The following BOD1L2 variants were observed in gnomAD, a reference collection of about 807,000 sequenced individuals.
BOD1L2 encodes the protein biorientation of chromosomes in cell division 1 like 2.
A neutral mutation model predicts 5.3 loss-of-function variants in BOD1L2; 6 were observed. The ratio of observed to expected loss-of-function variants is 1.14; its 90% confidence interval spans 0.62 to 2.25. The LOEUF (loss-of-function observed/expected upper bound fraction) is 2.25, where lower values mean the gene tolerates loss of function less well. Among genes scored for constraint, BOD1L2 ranks in the 30% most tolerant of loss-of-function variants. BOD1L2 has a pLI of 0.00. For synonymous variants in BOD1L2, 96 were observed against 96.3 expected (o/e 1.00, Z 0.02); for missense variants, 210 against 227.2 (o/e 0.92, Z 0.49).
chr18:57,149,716 C>T lies in BOD1L2; in HGVS notation c.*1885C>T, dbSNP rs920936414. The T allele has an allele frequency of 4.6e-5, 7 of 152,206 alleles. No individual in the cohort carries two copies. Among genetic ancestry groups the T allele is most frequent in the Non-Finnish European group, 1.0e-4 (7 of 68,044 alleles). 9.4% of individuals were successfully genotyped at this position (152,206 alleles called of 1,614,324 possible). A position where few individuals can be genotyped will look rare whatever the true frequency, so the allele number is the denominator to read the frequency against. On this transcript the variant is annotated 3_prime_UTR_variant, in exon 1 of 1. Transcript: ENST00000585477. ...GTACAAAAGAGCAGCTGGGCCACATCGGCACTAATCACTTGCCAACTTTCC... is the reference window on the plus strand; with the variant it reads ...GTACAAAAGAGCAGCTGGGCCACATTGGCACTAATCACTTGCCAACTTTCC...
rs916756808 is a variant in BOD1L2 at position 57,147,137 on chromosome 18, C to T, written c.-176C>T. 1.1e-6 allele frequency: 1 copy of T among 891,266 alleles called. No individual in the cohort carries two copies. Among genetic ancestry groups the T allele is most frequent in the South Asian group, 5.3e-5 (1 of 19,002 alleles). The allele number at this position is 891,266 out of a possible 1,614,324, so 55.2% of individuals were successfully genotyped here. On this transcript the variant is annotated 5_prime_UTR_variant, in exon 1 of 1. Transcript: ENST00000585477. ...AACCTCCGCGGTCTGGAGCTGGCCT[C>T]CCCCACCGCCGCCCCAACCACCGGC...
chr18:57,147,392 A>T lies in BOD1L2; in HGVS notation c.80A>T (p.Asn27Ile), dbSNP rs2048928062. 6.5e-7 allele frequency: 1 copy of T among 1,533,824 alleles called. No homozygotes were observed. The highest frequency in any genetic ancestry group is 1.2e-5 in the South Asian group (1 of 83,810). ...TRASGGGGPINPASLPPGDPQ... is the reference protein window; with the variant it reads ...TRASGGGGPIIPASLPPGDPQ... ...GCCAGCGGGGGCGGCGGCCCCATCA[A>T]CCCGGCCTCGTTGCCCCCTGGCGAC... Residue 27 changes from asparagine (N) to isoleucine (I), a missense_variant, in exon 1 of 1, where the codon AAC (asparagine) becomes ATC (isoleucine). Asn to Ile is a moderately radical substitution (Grantham distance 149, BLOSUM62 -3). Coordinates refer to ENST00000585477, the MANE Select transcript of BOD1L2 (RefSeq NM_001257964.2).
rs766182400 is a variant in BOD1L2 at position 57,147,579 on chromosome 18, G to T, written c.267G>T (p.Trp89Cys). The change falls in exon 1 of 1, where the codon TGG (tryptophan) becomes TGT (cysteine). Residue 89 changes from tryptophan (W) to cysteine (C), a missense_variant. Physicochemically the swap from Trp to Cys is radical, Grantham distance 215. Transcript: ENST00000585477. ...FVSTHLDKQE[W>C]NPPANDNQLH... is the part of the protein sequence containing the mutation. ...CGACACATCTGGACAAGCAGGAATG[G>T]AATCCTCCAGCAAACGACAACCAAC... 2.5e-6 allele frequency: 4 copies of T among 1,612,922 alleles called. No homozygotes were observed.
chr18:57,147,518 A>G lies in BOD1L2; in HGVS notation c.206A>G (p.Tyr69Cys). ...GCTGACGTGGACACCAAGCCAGCTTACCAAAACCTGAGCCAGAAAGCGGAT... is the reference window on the plus strand; with the variant it reads ...GCTGACGTGGACACCAAGCCAGCTTGCCAAAACCTGAGCCAGAAAGCGGAT... The part of the protein sequence containing the change: ...CKADVDTKPA[Y>C]QNLSQKADNF... Residue 69 changes from tyrosine (Y) to cysteine (C), a missense_variant, in exon 1 of 1, where the codon TAC becomes TGC. Transcript: ENST00000585477. 1 of 1,600,998 alleles carries G rather than the reference A, an allele frequency of 6.2e-7. No individual in the cohort carries two copies. The highest frequency in any genetic ancestry group is 8.5e-7 in the Non-Finnish European group (1 of 1,174,000).
rs922710530 is a variant in BOD1L2 at position 57,148,637 on chromosome 18, C to T, written c.*806C>T. On this transcript the variant is annotated 3_prime_UTR_variant, in exon 1 of 1. Coordinates refer to ENST00000585477, the MANE Select transcript of BOD1L2 (RefSeq NM_001257964.2). The stretch of plus-strand genomic sequence containing the variant: ...AGAAATGCAGATTTACATCCTTTTC[C>T]TCTTTAAGCTCCGTCAGTTTTCTGA... 6.6e-6 allele frequency: 1 copy of T among 152,176 alleles called. No individual in the cohort carries two copies. 9.4% of individuals were successfully genotyped at this position (152,176 alleles called of 1,614,324 possible).
rs1199682926 is a variant in BOD1L2 at position 57,147,733 on chromosome 18, C to A, written c.421C>A (p.His141Asn). The stretch of plus-strand genomic sequence containing the variant: ...CAGGCCACAAATAGAACAAATAATT[C>A]ATGAATTCCTGGTGGCCCAGAAAGA... The part of the protein sequence containing the change: ...IFRPQIEQII[H>N]EFLVAQKEAA... Residue 141 changes from histidine to asparagine, a missense_variant, in exon 1 of 1, where the codon CAT (histidine) becomes AAT (asparagine). Transcript: ENST00000585477. 3 of 1,613,852 alleles carry A rather than the reference C, an allele frequency of 1.9e-6. No homozygotes were observed. The highest frequency in any genetic ancestry group is 2.5e-6 in the Non-Finnish European group (3 of 1,180,026).
rs753836002 is a variant in BOD1L2 at position 57,147,583 on chromosome 18, C to G, written c.271C>G (p.Pro91Ala). 1 of 1,612,946 alleles carries G rather than the reference C, an allele frequency of 6.2e-7. No individual in the cohort carries two copies. The highest frequency in any genetic ancestry group is 1.3e-5 in the African/African-American group (1 of 74,924). ...STHLDKQEWNPPANDNQLHDG... is the reference protein window; with the variant it reads ...STHLDKQEWNAPANDNQLHDG... ...ACATCTGGACAAGCAGGAATGGAAT[C>G]CTCCAGCAAACGACAACCAACTGCA... The change falls in exon 1 of 1, where the codon CCT becomes GCT. Residue 91 changes from proline to alanine, a missense_variant. Physicochemically the swap from Pro to Ala is conservative, Grantham distance 27. Coordinates refer to ENST00000585477, the MANE Select transcript of BOD1L2 (RefSeq NM_001257964.2).
Position 57,147,406 on chromosome 18 carries a change from C to G in BOD1L2, c.94C>G (p.Pro32Ala). The G allele has an allele frequency of 6.5e-7, 1 of 1,537,500 alleles. No homozygotes were observed. The highest frequency in any genetic ancestry group is 8.7e-7 in the Non-Finnish European group (1 of 1,146,528). ...GGGPINPASL[P>A]PGDPQLIAII... ...CGGCCCCATCAACCCGGCCTCGTTG[C>G]CCCCTGGCGACCCTCAGCTCATCGC... The change falls in exon 1 of 1, where the codon CCC becomes GCC. Residue 32 changes from proline to alanine, a missense_variant. Coordinates refer to ENST00000585477, the MANE Select transcript of BOD1L2 (RefSeq NM_001257964.2).
rs1295005667 is a variant in BOD1L2 at position 57,147,797 on chromosome 18, A to G, written c.485A>G (p.Gln162Arg). The G allele has an allele frequency of 1.2e-6, 2 of 1,613,220 alleles. No individual in the cohort carries two copies. The highest frequency in any genetic ancestry group is 1.7e-5 in the Admixed American group (1 of 59,984). Residue 162 changes from glutamine to arginine, a missense_variant, in exon 1 of 1, where the codon CAG becomes CGG. Gln to Arg is a conservative substitution (Grantham distance 43, BLOSUM62 1). Transcript: ENST00000585477. ...GCACTCCCTCCAGAGCCAGAAGGCC[A>G]GGACCCTCCAGCTCCGTCTCAGGAC... ...VPALPPEPEG[Q>R]DPPAPSQDTS
chr18:57,147,309 A>C lies in BOD1L2; in HGVS notation c.-4A>C, dbSNP rs2048926139. The C allele has an allele frequency of 8.5e-7, 1 of 1,171,668 alleles. No individual in the cohort carries two copies. Among genetic ancestry groups the C allele is most frequent in the Non-Finnish European group, 1.0e-6 (1 of 952,854 alleles). The allele number at this position is 1,171,668 out of a possible 1,614,324, so 72.6% of individuals were successfully genotyped here. ...CGGTTTCCTTGTGGGCCCGGTGCGC[A>C]GCCATGGCGGACGGTGGCGGCGGCG... On this transcript the variant is annotated 5_prime_UTR_variant, in exon 1 of 1. Transcript: ENST00000585477.
At position 57,147,997 on chromosome 18, in the gene BOD1L2, C is replaced by T. The variant is rs888498794; in HGVS notation, c.*166C>T. 10 of 814,078 alleles carry T rather than the reference C, an allele frequency of 1.2e-5. No individual in the cohort carries two copies. The highest frequency in any genetic ancestry group is 1.8e-5 in the Non-Finnish European group (10 of 540,628). The allele number at this position is 814,078 out of a possible 1,614,324, so 50.4% of individuals were successfully genotyped here. Reference sequence around the variant, plus strand: ...GACCAGATTGAAAGGGAAGCAAGTTCGCCAGAGAGAAAGTTGACCGTGGCA... The same window carrying T: ...GACCAGATTGAAAGGGAAGCAAGTTTGCCAGAGAGAAAGTTGACCGTGGCA... On this transcript the variant is annotated 3_prime_UTR_variant, in exon 1 of 1. Coordinates refer to ENST00000585477, the MANE Select transcript of BOD1L2 (RefSeq NM_001257964.2).
In BOD1L2 at chr18:57,147,581, A is replaced by C. The variant is rs1228196567; in HGVS notation, c.269A>C (p.Asn90Thr). 3.1e-6 allele frequency: 5 copies of C among 1,613,150 alleles called. No homozygotes were observed. Among genetic ancestry groups the C allele is most frequent in the Non-Finnish European group, 4.2e-6 (5 of 1,179,894 alleles). The change falls in exon 1 of 1, where the codon AAT (asparagine) becomes ACT (threonine). Residue 90 changes from asparagine to threonine, a missense_variant. By Grantham distance (65) the Asn-to-Thr change is moderately conservative (BLOSUM62 0). Coordinates refer to ENST00000585477, the MANE Select transcript of BOD1L2 (RefSeq NM_001257964.2). ...ACACATCTGGACAAGCAGGAATGGA[A>C]TCCTCCAGCAAACGACAACCAACTG... ...VSTHLDKQEWNPPANDNQLHD... is the reference protein window; with the variant it reads ...VSTHLDKQEWTPPANDNQLHD...
At position 57,147,833 on chromosome 18, in the gene BOD1L2, A is replaced by G. The variant is rs756428715; in HGVS notation, c.*2A>G. 4 of 1,593,660 alleles carry G rather than the reference A, an allele frequency of 2.5e-6. No homozygotes were observed. The South Asian group carries it at 4.5e-5, about 18-fold the overall frequency. ...GCTCCGTCTCAGGACACTTCCTAAG[A>G]ATATGCCTGACAGCTTTTGAAAGCG... On this transcript the variant is annotated 3_prime_UTR_variant, in exon 1 of 1. Transcript: ENST00000585477.
rs1186322789 is a variant in BOD1L2 at position 57,148,025 on chromosome 18, C to T, written c.*194C>T. 1.6e-6 allele frequency: 1 copy of T among 614,844 alleles called. No individual in the cohort carries two copies. The highest frequency in any genetic ancestry group is 2.7e-6 in the Non-Finnish European group (1 of 366,392). 38.1% of individuals were successfully genotyped at this position (614,844 alleles called of 1,614,324 possible). On this transcript the variant is annotated 3_prime_UTR_variant, in exon 1 of 1. Coordinates refer to ENST00000585477, the MANE Select transcript of BOD1L2 (RefSeq NM_001257964.2). ...CAGAGAGAAAGTTGACCGTGGCACC[C>T]TCCTGCATTGCGCTGCCATTTGGCC...
rs575201992 is a variant in BOD1L2, at chr18:57,147,888, C to A, written c.*57C>A. On this transcript the variant is annotated 3_prime_UTR_variant, in exon 1 of 1. Coordinates refer to ENST00000585477, the MANE Select transcript of BOD1L2 (RefSeq NM_001257964.2). ...TTAATTTTTGGTGAAGAAATGGATT[C>A]GGTTACATAAGAGTGCAGTTTCAGA... 1.3e-6 allele frequency: 2 copies of A among 1,498,878 alleles called. No homozygotes were observed. Among genetic ancestry groups the A allele is most frequent in the South Asian group, 2.6e-5 (2 of 76,130 alleles). The allele number at this position is 1,498,878 out of a possible 1,614,324, so 92.8% of individuals were successfully genotyped here. A position where few individuals can be genotyped will look rare whatever the true frequency, so the allele number is the denominator to read the frequency against.
In BOD1L2 at chr18:57,147,550, G is replaced by T; in HGVS notation, c.238G>T (p.Val80Leu). Residue 80 changes from valine to leucine, a missense_variant, in exon 1 of 1, where the codon GTG (valine) becomes TTG (leucine). Transcript: ENST00000585477. ...CCTGAGCCAGAAAGCGGATAATTTT[G>T]TGTCGACACATCTGGACAAGCAGGA... is the stretch of plus-strand genomic sequence containing the variant. ...QNLSQKADNF[V>L]STHLDKQEWN... The T allele has an allele frequency of 6.2e-7, 1 of 1,610,942 alleles. No homozygotes were observed. The highest frequency in any genetic ancestry group is 8.5e-7 in the Non-Finnish European group (1 of 1,178,752).
rs891122927 is a variant in BOD1L2, at chr18:57,147,199, G to C, written c.-114G>C. ...CACCACCACCGTCACCTCCGCCGCT[G>C]CCTCCTTGGGGCCCTCCTCCTTCAC... On this transcript the variant is annotated 5_prime_UTR_variant, in exon 1 of 1. Coordinates refer to ENST00000585477, the MANE Select transcript of BOD1L2 (RefSeq NM_001257964.2). The C allele has an allele frequency of 3.4e-5, 36 of 1,062,496 alleles. No homozygotes were observed. Among genetic ancestry groups the C allele is most frequent in the Non-Finnish European group, 4.0e-5 (35 of 877,526 alleles). The allele number at this position is 1,062,496 out of a possible 1,614,324, so 65.8% of individuals were successfully genotyped here. A position where few individuals can be genotyped will look rare whatever the true frequency, so the allele number is the denominator to read the frequency against.
In BOD1L2 at chr18:57,148,577, A is replaced by G. The variant is rs1193097316; in HGVS notation, c.*746A>G. On this transcript the variant is annotated 3_prime_UTR_variant, in exon 1 of 1. Coordinates refer to ENST00000585477, the MANE Select transcript of BOD1L2 (RefSeq NM_001257964.2). ...GTTTTATTTGAAAAGTGGATGGTCA[A>G]TAAATGGCTTATCTTTCAACTGCAA... 2 of 152,238 alleles carry G rather than the reference A, an allele frequency of 1.3e-5. No homozygotes were observed. The highest frequency in any genetic ancestry group is 4.8e-5 in the African/African-American group (2 of 41,468). The allele number at this position is 152,238 out of a possible 1,614,324, so 9.4% of individuals were successfully genotyped here. A position where few individuals can be genotyped will look rare whatever the true frequency, so the allele number is the denominator to read the frequency against.
rs1040526221 is a variant in BOD1L2, at chr18:57,147,324, T to TGGC, written c.22_24dup (p.Gly8dup). The TGGC allele has an allele frequency of 4.2e-5, 50 of 1,190,178 alleles. No individual in the cohort carries two copies. In the African/African-American group the frequency reaches 5.9e-4, roughly 14 times the overall value. 73.7% of individuals were successfully genotyped at this position (1,190,178 alleles called of 1,614,324 possible). ...CCCGGTGCGCAGCCATGGCGGACGG[T>TGGC]GGCGGCGGCGGCAGCGGCGGTGCGG... On this transcript the variant is annotated inframe_insertion, in exon 1 of 1. Transcript: ENST00000585477.
Sources: allele counts gnomAD v4.1 joint callset, GRCh38; gene constraint gnomAD v4.1.1; transcripts MANE v1.5; gene names NCBI Gene and HGNC (gene_info 2026-07-23, HGNC 2026-07-21).